Variants in COG6 observed in about 807,000 individuals in gnomAD.
The protein encoded by COG6 is component of oligomeric golgi complex 6.
A neutral mutation model predicts 88.8 loss-of-function variants in COG6; 74 were observed. The ratio of observed to expected loss-of-function variants is 0.83; its 90% CI spans 0.69 to 1.01. COG6 has a LOEUF of 1.01. Among genes scored for constraint, COG6 ranks in the 50% least tolerant of loss-of-function variants. COG6 has a pLI of 0.00. For synonymous variants in COG6, 286 were observed against 278.7 expected (o/e 1.03, Z -0.26); for missense variants, 800 against 797.9 (o/e 1.00, Z -0.03).
exon 19 of COG6, chr13:39,790,988 A>G (rs575585430): frequency 8.1e-4 from 123 of 152,188 alleles, no homozygotes; most frequent in African/African-American, 2.5e-3. Flanking sequence ...GCCACCTTAA[A>G]TTAAGAAAAT....
At position 39,752,065 on chromosome 13, in the gene COG6, C is replaced by T; in HGVS notation, c.*972C>T. On this transcript the variant is annotated 3_prime_UTR_variant, in exon 19 of 19. Transcript: ENST00000455146. ...GTTGTAACTGGACTCTGACTTTAGA[C>T]CATTACCTATTAGGAAGATTAAAAA... The T allele has an allele frequency of 7.8e-7, 1 of 1,285,730 alleles. No individual in the cohort carries two copies. The highest frequency in any genetic ancestry group is 1.0e-6 in the Non-Finnish European group (1 of 987,442). 79.6% of individuals were successfully genotyped at this position (1,285,730 alleles called of 1,614,324 possible).
intron 2 of COG6, among the ~76,000 whole-genome samples, chr13:39,660,447 A>T (rs1224885125): frequency 1.3e-5 from 2 of 152,226 alleles, no homozygotes; most frequent in African/African-American, 4.8e-5. Flanking sequence ...GATACATGTC[A>T]AAAGGACTTT....
chr13:39,730,669 G>A (rs1322322910), intron 18 of COG6, among the ~76,000 whole-genome samples: 4 of 148,778 alleles, frequency 2.7e-5, no homozygotes, highest in Non-Finnish European at 4.4e-5. Context: ...AGCTACTTAG[G>A]AGGCTGAGGC....
intron 1 of COG6, among the ~76,000 whole-genome samples, chr13:39,657,077 C>G (rs1874558591): frequency 6.6e-6 from 1 of 152,154 alleles, no homozygotes; most frequent in Non-Finnish European, 1.5e-5. Flanking sequence ...TTTGCCCAAG[C>G]TGGAGTGCAA....
In COG6 at chr13:39,655,706, G is replaced by GT. The variant is rs746938820; in HGVS notation, c.-21_-20insT. ...TCCCTGCCTGGCTGAGGTGGCAGCA[G>GT]GGGGCGGGACGCGCAGCGCTATGGC... On this transcript the variant is annotated 5_prime_UTR_variant, in exon 1 of 19. Coordinates refer to ENST00000455146, the MANE Select transcript of COG6 (RefSeq NM_020751.3). 3 of 1,486,110 alleles carry GT rather than the reference G, an allele frequency of 2.0e-6. No homozygotes were observed. Among genetic ancestry groups the GT allele is most frequent in the East Asian group, 2.5e-5 (1 of 39,492 alleles). 92.1% of individuals were successfully genotyped at this position (1,486,110 alleles called of 1,614,324 possible).
chr13:39,745,758 A>T (rs1253806762), intron 18 of COG6, among the ~76,000 whole-genome samples: 1 of 152,230 alleles, frequency 6.6e-6, no homozygotes, highest in Non-Finnish European at 1.5e-5. Context: ...ATTATAAATC[A>T]TGCTACTATA....
intron 4 of COG6, among the ~76,000 whole-genome samples, chr13:39,673,592 G>A (rs1875778673): frequency 6.6e-6 from 1 of 151,924 alleles, no homozygotes; most frequent in South Asian, 2.1e-4. Flanking sequence ...CTGTCAAACA[G>A]GTTATTTCAC....
chr13:39,687,650 A>G lies in COG6; in HGVS notation c.917+19A>G, dbSNP rs560493574. On this transcript the variant is annotated intron_variant, in intron 9 of 18. Coordinates refer to ENST00000455146, the MANE Select transcript of COG6 (RefSeq NM_020751.3). ...CTTTGAGGTATAGTAATCAGACAGC[A>G]GAAGAGGAGTTGATGTTTTTCCAAA... 4 of 1,614,060 alleles carry G rather than the reference A, an allele frequency of 2.5e-6. No individual in the cohort carries two copies. The highest frequency in any genetic ancestry group is 3.3e-5 in the Admixed American group (2 of 60,016).
chr13:39,728,625 G>A (rs1267334373), intron 18 of COG6, among the ~76,000 whole-genome samples: 1 of 151,408 alleles, frequency 6.6e-6, no homozygotes, highest in Non-Finnish European at 1.5e-5. Flanking sequence ...AGACTTAAGA[G>A]ATTACCAAAG....
rs768761061 is a variant in COG6 at position 39,660,878 on chromosome 13, A to G, written c.366A>G (p.Leu122=). The G allele has an allele frequency of 4.4e-6, 7 of 1,583,336 alleles. No homozygotes were observed. Among genetic ancestry groups the G allele is most frequent in the Non-Finnish European group, 5.2e-6 (6 of 1,153,062 alleles). Residue 122 remains leucine, a synonymous_variant, in exon 3 of 19, where the codon CTA becomes CTG. Coordinates refer to ENST00000455146, the MANE Select transcript of COG6 (RefSeq NM_020751.3). ...GTTGTCAAGATATGACAAGTCGCCTACAGGTATTATATAATGGCTAGATTT... is the reference window on the plus strand; with the variant it reads ...GTTGTCAAGATATGACAAGTCGCCTGCAGGTATTATATAATGGCTAGATTT... The part of the protein sequence containing the change: ...SNCCQDMTSR[L]QAAKEQTQDL...
At chr13:39,775,706 C>A (rs1461180451) in intron 18 of COG6, among the ~76,000 whole-genome samples, 2 of 152,060 alleles carry the variant, frequency 1.3e-5, no homozygotes, top group Non-Finnish European at 2.9e-5. Flanking sequence ...ATTAAAGCAT[C>A]TGGAATCCAG....
At chr13:39,736,220 A>G (rs1236367667) in intron 18 of COG6, among the ~76,000 whole-genome samples, 1 of 149,742 alleles carries the variant, frequency 6.7e-6, no homozygotes, top group African/African-American at 2.5e-5. Flanking sequence ...GTCTCCTCTT[A>G]CTGTGTATTT....
At chr13:39,689,416 T>C (rs1434457661) in intron 10 of COG6, among the ~76,000 whole-genome samples, 2 of 152,202 alleles carry the variant, frequency 1.3e-5, no homozygotes, top group African/African-American at 4.8e-5. Flanking sequence ...CAAATGCTAA[T>C]ACATCTTGGC....
intron 4 of COG6, among the ~76,000 whole-genome samples, chr13:39,673,584 G>C (rs1483715313): frequency 6.6e-6 from 1 of 151,916 alleles, no homozygotes; most frequent in Non-Finnish European, 1.5e-5. Context: ...TTAAGATCCT[G>C]TCAAACAGGT....
At chr13:39,790,530 C>T (rs1881908917) in exon 19 of COG6, 1 of 152,062 alleles carries the variant, frequency 6.6e-6, no homozygotes, top group Non-Finnish European at 1.5e-5. Context: ...CTCATAGATA[C>T]TGTTCTTCCT....
chr13:39,776,568 A>C (rs1330484441), intron 18 of COG6, among the ~76,000 whole-genome samples: 1 of 152,230 alleles, frequency 6.6e-6, no homozygotes, highest in Non-Finnish European at 1.5e-5. Flanking sequence ...AAAATGAAGG[A>C]GAACAAATGG....
chr13:39,722,310 T>TA (rs558688717), intron 15 of COG6, among the ~76,000 whole-genome samples: 168 of 144,242 alleles, frequency 1.2e-3, no homozygotes, highest in African/African-American at 2.2e-3. Flanking sequence ...GGCATTTATT[T>TA]AAAAAAAAAA....
chr13:39,730,270 A>G (rs980527272), intron 18 of COG6, among the ~76,000 whole-genome samples: 2 of 152,156 alleles, frequency 1.3e-5, no homozygotes, highest in Non-Finnish European at 2.9e-5. Flanking sequence ...ACTACAAACA[A>G]GAGTTTGAAA....
intron 18 of COG6, among the ~76,000 whole-genome samples, chr13:39,758,993 C>G (rs974942729): frequency 6.6e-6 from 1 of 152,054 alleles, no homozygotes; most frequent in Non-Finnish European, 1.5e-5. Context: ...TAATTTGATT[C>G]TATTTTAATG....
Sources: gnomAD v4.1 joint callset for allele counts (sites outside exome capture counted in the v4.1 genomes callset) on GRCh38, gnomAD v4.1.1 for gene constraint, MANE v1.5 for transcripts, NCBI Gene and HGNC (gene_info 2026-07-23, HGNC 2026-07-21) for gene names.